Variants in KCNMA1 observed in about 807,000 individuals in gnomAD.
KCNMA1 encodes the protein Calcium-activated potassium channel subunit alpha-1.
A neutral mutation model predicts 140.0 loss-of-function variants in KCNMA1; 29 were observed. The ratio of observed to expected loss-of-function variants is 0.21; its 90% confidence interval spans 0.15 to 0.28. The LOEUF is 0.28. KCNMA1 is among the 10% of genes least tolerant of loss of function. KCNMA1 has a pLI of 1.00. For synonymous variants in KCNMA1, 612 were observed against 611.9 expected, an observed-to-expected ratio of 1.00 and a Z score of 0.00; for missense variants, 880 against 1,602.2, an observed-to-expected ratio of 0.55 and a Z score of 7.70.
chr10:76,886,344 G>A lies in KCNMA1; in HGVS notation c.*922C>T. 1.0e-6 allele frequency: 1 copy of A among 984,872 alleles called. No homozygotes were observed. Among genetic ancestry groups the A allele is most frequent in the South Asian group, 4.7e-5 (1 of 21,270 alleles). 61.0% of individuals were successfully genotyped at this position (984,872 alleles called of 1,614,324 possible). On this transcript the variant is annotated 3_prime_UTR_variant, in exon 28 of 28. Coordinates refer to ENST00000286628, the MANE Select transcript of KCNMA1 (RefSeq NM_001161352.2). ...AAGGTAAGTAATTCACCTTTTAAAA[G>A]ATGTAAAAGTCCCAGGAAGGCAGTT...
chr10:76,917,327 C>A (rs1442209412), intron 23 of KCNMA1, among the ~76,000 whole-genome samples: 2 of 152,068 alleles, frequency 1.3e-5, no homozygotes, highest in African/African-American at 2.4e-5. Context: ...CGGGTTTGTA[C>A]GTCAAGGAAT....
intron 19 of KCNMA1, chr10:76,977,884 C>T (rs140947259): frequency 4.2e-5 from 20 of 481,312 alleles, no homozygotes; most frequent in African/African-American, 3.9e-4. Flanking sequence ...ACCACATCTA[C>T]CGTGAGCAAT....
chr10:77,567,354 A>G (rs1053414925), intron 1 of KCNMA1, among the ~76,000 whole-genome samples: 3 of 152,206 alleles, frequency 2.0e-5, no homozygotes, highest in African/African-American at 7.2e-5. Context: ...AGAGCCTCGC[A>G]GTCCAAGACT....
At chr10:77,544,167 T>C (rs905502787) in intron 1 of KCNMA1, among the ~76,000 whole-genome samples, 5 of 151,620 alleles carry the variant, frequency 3.3e-5, no homozygotes, top group African/African-American at 7.3e-5. Flanking sequence ...TGTGTGTGTG[T>C]GTGTGTGTGT....
intron 5 of KCNMA1, among the ~76,000 whole-genome samples, chr10:77,173,891 C>A (rs993953429): frequency 6.6e-5 from 10 of 152,148 alleles, no homozygotes; most frequent in African/African-American, 2.2e-4. Context: ...TTGGTCATAG[C>A]GGTTGAGTCA....
chr10:77,173,404 T>C (rs918862101), intron 5 of KCNMA1, among the ~76,000 whole-genome samples: 7 of 152,158 alleles, frequency 4.6e-5, no homozygotes, highest in Non-Finnish European at 1.0e-4. Flanking sequence ...GAAGCCTCAG[T>C]TTCCCCATCT....
Position 76,987,968 on chromosome 10 carries a change from A to G in KCNMA1, c.2266+13439T>C, listed in dbSNP as rs180702216. Among the ~76,000 whole-genome samples, 3 of 152,356 alleles carry G rather than the reference A, an allele frequency of 2.0e-5. No individual in the cohort carries two copies. The East Asian group carries it at 5.8e-4, about 29-fold the overall frequency. ...GTTTGGTGGCAAGAGGAACTAATTG[A>G]AAGGTTGAAGGGCAACAATGGCAGA... On this transcript the variant is annotated intron_variant, in intron 19 of 27. Transcript: ENST00000286628.
intron 1 of KCNMA1, among the ~76,000 whole-genome samples, chr10:77,624,415 T>A (rs1459191734): frequency 6.6e-6 from 1 of 152,148 alleles, no homozygotes; most frequent in Non-Finnish European, 1.5e-5. Flanking sequence ...ACTTTTTTTT[T>A]AAATGACAGG....
At chr10:77,184,697 A>T (rs1177980975) in intron 4 of KCNMA1, 126 bp downstream of exon 4, 4 of 735,510 alleles carry the variant, frequency 5.4e-6, no homozygotes, top group Non-Finnish European at 5.0e-6. Flanking sequence ...ACTGAAAATC[A>T]GAATGCGGGT....
At chr10:77,264,534 C>T (rs775896269) in intron 2 of KCNMA1, among the ~76,000 whole-genome samples, 9 of 152,168 alleles carry the variant, frequency 5.9e-5, no homozygotes, top group Non-Finnish European at 1.2e-4. Context: ...GCAGACCAGG[C>T]ACACCAGGTA....
chr10:77,216,319 G>T (rs185968759), intron 3 of KCNMA1, among the ~76,000 whole-genome samples: 2 of 152,164 alleles, frequency 1.3e-5, no homozygotes, highest in East Asian at 3.9e-4. Flanking sequence ...TTAAATGAGT[G>T]AATTCTATGG....
chr10:77,074,419 A>G (rs192181549), intron 13 of KCNMA1, among the ~76,000 whole-genome samples: 219 of 152,344 alleles, frequency 1.4e-3, no homozygotes, highest in African/African-American at 5.1e-3. Context: ...AATAACTTCC[A>G]GAGAAAAGTG....
At chr10:76,992,877 C>T (rs544502042) in intron 19 of KCNMA1, among the ~76,000 whole-genome samples, 1 of 152,310 alleles carries the variant, frequency 6.6e-6, no homozygotes, top group South Asian at 2.1e-4. Context: ...TGTATTTCCA[C>T]TCGAGAAGGT....
intron 2 of KCNMA1, among the ~76,000 whole-genome samples, chr10:77,317,615 G>A (rs1467349270): frequency 2.6e-5 from 4 of 152,220 alleles, no homozygotes; most frequent in Admixed American, 1.3e-4. Flanking sequence ...TTGAAGATGC[G>A]AAGCCCATTT....
At chr10:77,501,638 G>C (rs2043922410) in intron 1 of KCNMA1, among the ~76,000 whole-genome samples, 1 of 152,194 alleles carries the variant, frequency 6.6e-6, no homozygotes, top group Non-Finnish European at 1.5e-5. Flanking sequence ...AGACTGCAGA[G>C]CTGAGCAGAG....
At chr10:77,048,498 G>A (rs1381873976) in intron 14 of KCNMA1, among the ~76,000 whole-genome samples, 3 of 152,186 alleles carry the variant, frequency 2.0e-5, no homozygotes, top group Non-Finnish European at 1.5e-5. Flanking sequence ...GGAGAATGGG[G>A]AGGGGATTCT....
chr10:76,917,938 C>G (rs2053650369), intron 23 of KCNMA1, among the ~76,000 whole-genome samples: 2 of 152,144 alleles, frequency 1.3e-5, no homozygotes, highest in Admixed American at 6.5e-5. Flanking sequence ...ATTCAAGCAC[C>G]TTCCATAAAG....
chr10:77,573,608 AAATGGAATGGAATGGAATGGAATGG>A (rs1207560008), intron 1 of KCNMA1, among the ~76,000 whole-genome samples: 1 of 58,160 alleles, frequency 1.7e-5, no homozygotes, highest in Non-Finnish European at 4.4e-5. Flanking sequence ...TTTTTTAAGA[AAATGGAATGGAATGGAATGGAATGG>A]AATGGAATGG....
intron 3 of KCNMA1, among the ~76,000 whole-genome samples, chr10:77,234,960 A>G (rs1221927033): frequency 6.6e-6 from 1 of 152,212 alleles, no homozygotes; most frequent in Non-Finnish European, 1.5e-5. Flanking sequence ...AGAGTTCAGC[A>G]GAGATTTCCA....
Sources: allele counts gnomAD v4.1 joint callset (sites outside exome capture counted in the v4.1 genomes callset), GRCh38; gene constraint gnomAD v4.1.1; transcripts MANE v1.5; gene names NCBI Gene and HGNC (gene_info 2026-07-23, HGNC 2026-07-21).